The following LANCL2 variants were observed in gnomAD, a reference collection of about 807,000 sequenced individuals.
The protein encoded by LANCL2 is LanC like glutathione S-transferase 2.
LANCL2 carries 33 observed loss-of-function variants against 56.9 expected under a neutral mutation model. The observed-to-expected ratio is 0.58, with a 90% CI of 0.44 to 0.78. The LOEUF (loss-of-function observed/expected upper bound fraction) is 0.78, where lower values mean the gene tolerates loss of function less well. Ranked by LOEUF, LANCL2 falls within the 30% of genes least tolerant of loss-of-function variation. The pLI, the probability that LANCL2 is intolerant of heterozygous loss-of-function variation, is 0.00. For synonymous variants in LANCL2, 233 were observed against 228.2 expected, an observed-to-expected ratio of 1.02 and a Z score of -0.19; for missense variants, 562 against 580.2, an observed-to-expected ratio of 0.97 and a Z score of 0.32.
At chr7:55,386,867 C>G (rs1420799757) in intron 1 of LANCL2, among the ~76,000 whole-genome samples, 2 of 152,056 alleles carry the variant, frequency 1.3e-5, no homozygotes, top group South Asian at 4.1e-4. Flanking sequence ...GGATATTGGA[C>G]CTTGCTGGAG....
rs1482347498 is a variant in LANCL2 at position 55,432,103 on chromosome 7, A to G, written c.*783A>G. The G allele has an allele frequency of 1.3e-5, 2 of 152,214 alleles. No homozygotes were observed. Among genetic ancestry groups the G allele is most frequent in the Non-Finnish European group, 2.9e-5 (2 of 68,028 alleles). 9.4% of individuals were successfully genotyped at this position (152,214 alleles called of 1,614,324 possible). On this transcript the variant is annotated 3_prime_UTR_variant, in exon 9 of 9. Transcript: ENST00000254770. ...ACACTGTAGGCAGCAGTGACTAAGC[A>G]CTGGCAGTTCCAGAACATTTACCCA...
intron 5 of LANCL2, among the ~76,000 whole-genome samples, chr7:55,405,892 C>T (rs1318067070): frequency 2.4e-5 from 1 of 41,062 alleles, no homozygotes; most frequent in Non-Finnish European, 4.8e-5. Context: ...TAGGCAGTGG[C>T]GTGGTAGAGC....
chr7:55,399,432 C>T (rs1446368235), intron 3 of LANCL2, among the ~76,000 whole-genome samples: 2 of 151,870 alleles, frequency 1.3e-5, no homozygotes, highest in African/African-American at 2.4e-5. Context: ...CAACGTCCGC[C>T]TCCTGGGTTC....
At chr7:55,387,594 TTTA>T (rs1213936901) in intron 1 of LANCL2, among the ~76,000 whole-genome samples, 2 of 151,754 alleles carry the variant, frequency 1.3e-5, no homozygotes, top group African/African-American at 4.8e-5. Flanking sequence ...TTTTTGCAGT[TTTA>T]TTAAGAGCAG....
At position 55,373,295 on chromosome 7, in the gene LANCL2, T is replaced by TTATTTATG. The variant is rs879600327; in HGVS notation, c.204+7073_204+7074insGTATTTAT. ...TTTAAATATTTATTTATTTATTTAT[T>TTATTTATG]TATTTATTTATTTGAGACAGGGTCT... On this transcript the variant is annotated intron_variant, in intron 1 of 8. Coordinates refer to ENST00000254770, the MANE Select transcript of LANCL2 (RefSeq NM_018697.4). Among the ~76,000 whole-genome samples, 1,272 of 151,642 alleles carry TTATTTATG rather than the reference T, an allele frequency of 8.4e-3. 12 individuals are homozygous for TTATTTATG. The highest frequency in any genetic ancestry group is 0.012 in the Non-Finnish European group (813 of 67,880).
intron 1 of LANCL2, among the ~76,000 whole-genome samples, chr7:55,383,311 T>C (rs915477433): frequency 1.3e-5 from 2 of 152,046 alleles, no homozygotes; most frequent in Admixed American, 1.3e-4. Context: ...GAAAACCCCA[T>C]GTGTGGTGGA....
At chr7:55,399,360 TGA>T (rs1790294067) in intron 3 of LANCL2, among the ~76,000 whole-genome samples, 1 of 142,886 alleles carries the variant, frequency 7.0e-6, no homozygotes. Context: ...TTTTTTTTTC[TGA>T]GATGGAATTT....
chr7:55,408,775 A>C (rs1184053141), intron 5 of LANCL2, among the ~76,000 whole-genome samples: 1 of 152,074 alleles, frequency 6.6e-6, no homozygotes, highest in Non-Finnish European at 1.5e-5. Context: ...CATGCCCGTT[A>C]TTGTGAAAGC....
In LANCL2 at chr7:55,365,949, G is replaced by A. The variant is rs937599029; in HGVS notation, c.-77G>A. The stretch of plus-strand genomic sequence containing the variant: ...AGGACGCTCTCTGCGCGGGCCCTCG[G>A]AGGAGGCGGCGGCGGGGCGAGCTGC... On this transcript the variant is annotated 5_prime_UTR_variant, in exon 1 of 9. Transcript: ENST00000254770. 1.6e-5 allele frequency: 19 copies of A among 1,206,470 alleles called. No homozygotes were observed. The highest frequency in any genetic ancestry group is 2.1e-5 in the Non-Finnish European group (19 of 907,048). The allele number at this position is 1,206,470 out of a possible 1,614,324, so 74.7% of individuals were successfully genotyped here.
intron 8 of LANCL2, 41 bp from the exon 9 acceptor site, chr7:55,431,185 C>A: frequency 6.9e-7 from 1 of 1,448,432 alleles, no homozygotes; most frequent in Non-Finnish European, 9.6e-7. Flanking sequence ...TAGACACTAC[C>A]CTTATGCCAT....
At chr7:55,366,359 C>T (rs1322804830) in intron 1 of LANCL2, 130 bp downstream of exon 1, 4 of 753,520 alleles carry the variant, frequency 5.3e-6, no homozygotes, top group African/African-American at 1.9e-5. Context: ...GCGCCTAGCA[C>T]CTGTCTCCGG....
In LANCL2 at chr7:55,431,459, G is replaced by T; in HGVS notation, c.*139G>T. On this transcript the variant is annotated 3_prime_UTR_variant, in exon 9 of 9. Transcript: ENST00000254770. ...CCCCTCTGGTTAGACTAGCATGAGT[G>T]ACCGAAGCCATCCATCAACATTTTC... 1.8e-6 allele frequency: 1 copy of T among 559,502 alleles called. No homozygotes were observed. The highest frequency in any genetic ancestry group is 3.1e-6 in the Non-Finnish European group (1 of 320,352). 34.7% of individuals were successfully genotyped at this position (559,502 alleles called of 1,614,324 possible).
At chr7:55,403,450 A>G (rs1178827413) in intron 5 of LANCL2, among the ~76,000 whole-genome samples, 1 of 150,982 alleles carries the variant, frequency 6.6e-6, no homozygotes, top group Non-Finnish European at 1.5e-5. Flanking sequence ...AGGGAGAGGG[A>G]GAGGGAGAGG....
intron 1 of LANCL2, among the ~76,000 whole-genome samples, chr7:55,390,759 C>T (rs910960137): frequency 6.7e-5 from 10 of 149,098 alleles, no homozygotes; most frequent in Admixed American, 2.7e-4. Flanking sequence ...CCAGCCTGAG[C>T]GACAGAGCAA....
chr7:55,369,650 G>T (rs560550504), intron 1 of LANCL2, among the ~76,000 whole-genome samples: 2 of 152,146 alleles, frequency 1.3e-5, no homozygotes, highest in Non-Finnish European at 2.9e-5. Context: ...GACTTAAGGG[G>T]AATTGAGCCC....
Position 55,391,822 on chromosome 7 carries a change from G to A in LANCL2, c.234G>A (p.Gln78=), listed in dbSNP as rs764308806. ...KIIHNFIRRI[Q]TKIKDLLQQM... ...TTCATAATTTCATAAGACGGATCCAGACCAAAATTAAAGATCTTCTGCAGC... is the reference window on the plus strand; with the variant it reads ...TTCATAATTTCATAAGACGGATCCAAACCAAAATTAAAGATCTTCTGCAGC... Residue 78 remains glutamine, a synonymous_variant, in exon 2 of 9, where the codon CAG becomes CAA. Coordinates refer to ENST00000254770, the MANE Select transcript of LANCL2 (RefSeq NM_018697.4). 4 of 1,610,566 alleles carry A rather than the reference G, an allele frequency of 2.5e-6. No individual in the cohort carries two copies. The highest frequency in any genetic ancestry group is 8.5e-7 in the Non-Finnish European group (1 of 1,177,024).
chr7:55,408,252 G>A (rs995599731), intron 5 of LANCL2, among the ~76,000 whole-genome samples: 6 of 152,162 alleles, frequency 3.9e-5, no homozygotes, highest in African/African-American at 1.4e-4. Context: ...ATAGACAATG[G>A]GAGAGGAAAA....
chr7:55,402,793 CT>C lies in LANCL2; in HGVS notation c.825+1475del, dbSNP rs1431266595. ...GGTTGCCGGGCGGAGGGTCTCCTCA[CT>C]TCTCAGACGGGGCGGCCGGGCAGAG... On this transcript the variant is annotated intron_variant, in intron 5 of 8. Coordinates refer to ENST00000254770, the MANE Select transcript of LANCL2 (RefSeq NM_018697.4). 3.1e-5 allele frequency among the ~76,000 whole-genome samples: 4 copies of C among 127,212 alleles called. 2 individuals carry two copies. The highest frequency in any genetic ancestry group is 7.0e-5 in the Non-Finnish European group (4 of 57,530). The allele number at this position is 127,212 out of a possible 152,430, so 83.5% of individuals were successfully genotyped here.
chr7:55,426,521 G>T (rs1790665691), intron 7 of LANCL2, among the ~76,000 whole-genome samples: 1 of 152,150 alleles, frequency 6.6e-6, no homozygotes, highest in Non-Finnish European at 1.5e-5. Context: ...AACCCCAGTG[G>T]AATGGGCCCT....
Sources: allele counts gnomAD v4.1 joint callset (sites outside exome capture counted in the v4.1 genomes callset), GRCh38; gene constraint gnomAD v4.1.1; transcripts MANE v1.5; gene names NCBI Gene and HGNC (gene_info 2026-07-23, HGNC 2026-07-21).